CDC42BPA: variants seen among roughly 807,000 people sequenced by gnomAD.
CDC42BPA encodes the protein CDC42 binding protein kinase alpha.
Under a neutral mutation model 223.5 loss-of-function variants are expected in CDC42BPA, and 80 were observed. That is an observed-to-expected ratio of 0.36 (90% CI 0.30 to 0.43). The LOEUF (loss-of-function observed/expected upper bound fraction) is 0.43, where lower values mean the gene tolerates loss of function less well. Among genes scored for constraint, CDC42BPA ranks in the 20% least tolerant of loss-of-function variants. The pLI, the probability that CDC42BPA is intolerant of heterozygous loss-of-function variation, is 1.00. For missense variants in CDC42BPA, 1,743 were observed against 2,099.9 expected, an observed-to-expected ratio of 0.83 and a Z score of 3.32; for synonymous variants, 694 against 718.6, an observed-to-expected ratio of 0.97 and a Z score of 0.55.
At chr1:227,177,206 A>G (rs1370403127) in intron 5 of CDC42BPA, among the ~76,000 whole-genome samples, 1 of 151,958 alleles carries the variant, frequency 6.6e-6, no homozygotes, top group Non-Finnish European at 1.5e-5. Context: ...CTTCTTTCCT[A>G]AAAATCCAGG....
chr1:227,202,521 TAACTC>T (rs1024565112), intron 3 of CDC42BPA, among the ~76,000 whole-genome samples: 16 of 152,124 alleles, frequency 1.1e-4, no homozygotes, highest in South Asian at 2.1e-4. Context: ...ATTTGACTAA[TAACTC>T]AAAACTAAAA....
rs1553313427 is a variant in CDC42BPA, at chr1:227,048,753, G to GGA, written c.3010-744_3010-743insTC. Among the ~76,000 whole-genome samples, 585 of 112,510 alleles carry GGA rather than the reference G, an allele frequency of 5.2e-3. 7 individuals are homozygous for GGA. The highest frequency in any genetic ancestry group is 0.014 in the African/African-American group (423 of 30,238). 73.8% of individuals were successfully genotyped at this position (112,510 alleles called of 152,430 possible). On this transcript the variant is annotated intron_variant, in intron 22 of 36. Transcript: ENST00000366766. ...CACTGCTTAATCAGCAAAGTAGTGA[G>GGA]AAAAAAAAAAAAAAAAAAGACATGG...
chr1:227,259,319 T>C (rs1683644509), intron 1 of CDC42BPA, among the ~76,000 whole-genome samples: 2 of 150,908 alleles, frequency 1.3e-5, no homozygotes, highest in Non-Finnish European at 2.9e-5. Context: ...AGAATTAACA[T>C]ACAAACTCAG....
chr1:227,207,701 T>A (rs1673049097), intron 3 of CDC42BPA, among the ~76,000 whole-genome samples: 1 of 150,732 alleles, frequency 6.6e-6, no homozygotes, highest in Middle Eastern at 3.4e-3. Context: ...GAACTCATCA[T>A]TTTTTATGGC....
chr1:227,165,519 TAAGA>T (rs1239428247), intron 5 of CDC42BPA, among the ~76,000 whole-genome samples: 13 of 152,032 alleles, frequency 8.6e-5, no homozygotes, highest in Non-Finnish European at 1.3e-4. Context: ...AATTGTTAGA[TAAGA>T]AAGGAAAAAA....
At chr1:227,282,460 G>A (rs1177029343) in intron 1 of CDC42BPA, among the ~76,000 whole-genome samples, 1 of 152,170 alleles carries the variant, frequency 6.6e-6, no homozygotes, top group Non-Finnish European at 1.5e-5. Context: ...TGGGATGTGA[G>A]GACTGTGATA....
chr1:227,309,588 A>G (rs1693167037), intron 1 of CDC42BPA, among the ~76,000 whole-genome samples: 1 of 152,260 alleles, frequency 6.6e-6, no homozygotes, highest in Admixed American at 6.5e-5. Context: ...ACAGGATTTT[A>G]AAACTATGAG....
chr1:227,280,763 A>T (rs1397336914), intron 1 of CDC42BPA, among the ~76,000 whole-genome samples: 1 of 152,222 alleles, frequency 6.6e-6, no homozygotes, highest in Non-Finnish European at 1.5e-5. Context: ...AAAAACTTAC[A>T]AATGGACTGC....
In CDC42BPA at chr1:227,030,432, A is replaced by C. The variant is rs1669067841; in HGVS notation, c.3814T>G (p.Phe1272Val). ...CCATCTTTGGTGACATGTACAACAAATAACCCTTCTTCGTTTCCCAAAGCA... is the reference window on the plus strand; with the variant it reads ...CCATCTTTGGTGACATGTACAACAACTAACCCTTCTTCGTTTCCCAAAGCA... The part of the protein sequence containing the change: ...RIALGNEEGL[F>V]VVHVTKDEII... The change falls in exon 29 of 37, where the codon TTT becomes GTT. Residue 1272 changes from phenylalanine (F) to valine (V), a missense_variant. Physicochemically the swap from Phe to Val is conservative, Grantham distance 50 (BLOSUM62 -1). Transcript: ENST00000366766. 6.2e-7 allele frequency: 1 copy of C among 1,602,554 alleles called. No homozygotes were observed.
intron 5 of CDC42BPA, among the ~76,000 whole-genome samples, chr1:227,173,260 G>A (rs1433687956): frequency 6.6e-6 from 1 of 152,104 alleles, no homozygotes; most frequent in African/African-American, 2.4e-5. Context: ...AAATGAAGAT[G>A]TCCAAATATC....
intron 3 of CDC42BPA, among the ~76,000 whole-genome samples, chr1:227,211,450 A>G (rs1166111456): frequency 1.3e-5 from 2 of 152,152 alleles, no homozygotes; most frequent in Non-Finnish European, 2.9e-5. Context: ...ACCTGTACTT[A>G]TATGTTTATC....
intron 2 of CDC42BPA, among the ~76,000 whole-genome samples, chr1:227,231,084 C>T (rs1055375204): frequency 1.3e-5 from 2 of 151,660 alleles, no homozygotes; most frequent in South Asian, 4.2e-4. Context: ...GTGCTGCACC[C>T]GTTAACTCGT....
At chr1:227,019,690 C>T (rs72764213) in intron 32 of CDC42BPA, among the ~76,000 whole-genome samples, 61,284 of 151,568 alleles carry the variant, frequency 0.4, 12,733 homozygotes, top group Non-Finnish European at 0.45. Flanking sequence ...AAAATATCAT[C>T]AATCTCCTTG....
intron 1 of CDC42BPA, among the ~76,000 whole-genome samples, chr1:227,313,033 A>T (rs1443883203): frequency 1.3e-5 from 2 of 152,192 alleles, no homozygotes; most frequent in Non-Finnish European, 2.9e-5. Context: ...GTAGTTCTTT[A>T]TAGCAATGCG....
chr1:227,273,402 C>G (rs530521316), intron 1 of CDC42BPA, among the ~76,000 whole-genome samples: 1 of 150,182 alleles, frequency 6.7e-6, no homozygotes, highest in Non-Finnish European at 1.5e-5. Flanking sequence ...CCCATCTCTA[C>G]TAAAAAAATA....
intron 1 of CDC42BPA, among the ~76,000 whole-genome samples, chr1:227,277,347 C>T (rs1293983813): frequency 1.3e-5 from 2 of 152,098 alleles, no homozygotes; most frequent in Non-Finnish European, 2.9e-5. Context: ...CCAAACGTCT[C>T]AATATTAAAT....
chr1:227,038,282 G>T (rs1670709354), intron 24 of CDC42BPA, among the ~76,000 whole-genome samples: 1 of 152,172 alleles, frequency 6.6e-6, no homozygotes, highest in African/African-American at 2.4e-5. Context: ...CACCATGATT[G>T]TGAGGCCTCC....
In CDC42BPA at chr1:227,229,262, A is replaced by G. The variant is rs558780929; in HGVS notation, c.271-16043T>C. On this transcript the variant is annotated intron_variant, in intron 2 of 36. Coordinates refer to ENST00000366766, the MANE Select transcript of CDC42BPA (RefSeq NM_001394014.1). ...ATATCCAGTTGCCCCACACTGTTGG[A>G]AAAAAAACTGTTTTACCTCCTTGGT... Among the ~76,000 whole-genome samples, 15 of 152,100 alleles carry G rather than the reference A, an allele frequency of 9.9e-5. No homozygotes were observed. In the East Asian group the frequency reaches 1.9e-3, roughly 20 times the overall value.
intron 10 of CDC42BPA, among the ~76,000 whole-genome samples, chr1:227,130,683 C>T (rs1239876852): frequency 1.3e-5 from 2 of 151,932 alleles, no homozygotes; most frequent in African/African-American, 4.8e-5. Flanking sequence ...GGTGAAACCC[C>T]GTCTCTACTA....
Sources: gnomAD v4.1 joint callset for allele counts (sites outside exome capture counted in the v4.1 genomes callset) on GRCh38, gnomAD v4.1.1 for gene constraint, MANE v1.5 for transcripts, NCBI Gene and HGNC (gene_info 2026-07-23, HGNC 2026-07-21) for gene names.